The following TUBGCP3 variants were observed in gnomAD, a reference collection of about 807,000 sequenced individuals.
TUBGCP3 encodes the protein tubulin gamma complex component 3, also known as gamma-tubulin complex component 3.
In TUBGCP3, 50 loss-of-function variants were observed where a neutral mutation model predicts 123.1. The observed-to-expected ratio is 0.41, with a 90% CI of 0.32 to 0.51. TUBGCP3 has a LOEUF of 0.51. TUBGCP3 is among the 20% of genes least tolerant of loss of function. The pLI, the probability that TUBGCP3 is intolerant of heterozygous loss-of-function variation, is 0.36. For missense variants in TUBGCP3, 882 were observed against 1,127.0 expected, an observed-to-expected ratio of 0.78 and a Z score of 3.11; for synonymous variants, 405 against 413.9, an observed-to-expected ratio of 0.98 and a Z score of 0.26.
chr13:112,485,211 C>T lies in TUBGCP3; in HGVS notation c.*782G>A, dbSNP rs904488015. ...TATCCATGTCGATTTCTTTCCAATG[C>T]TTATCAGGAACTTTGAAAATAAAAT... On this transcript the variant is annotated 3_prime_UTR_variant, in exon 22 of 22. Coordinates refer to ENST00000261965, the MANE Select transcript of TUBGCP3 (RefSeq NM_006322.6). 1.3e-5 allele frequency: 2 copies of T among 152,520 alleles called. No individual in the cohort carries two copies. The highest frequency in any genetic ancestry group is 4.8e-5 in the African/African-American group (2 of 41,402). The allele number at this position is 152,520 out of a possible 1,614,324, so 9.4% of individuals were successfully genotyped here.
At chr13:112,492,007 T>C (rs1468272516) in intron 20 of TUBGCP3, among the ~76,000 whole-genome samples, 3 of 152,238 alleles carry the variant, frequency 2.0e-5, no homozygotes, top group South Asian at 2.1e-4. Flanking sequence ...TTGAGGGTGA[T>C]AATCTTCTAC....
chr13:112,549,345 G>A (rs1879354613), intron 8 of TUBGCP3, among the ~76,000 whole-genome samples: 1 of 149,528 alleles, frequency 6.7e-6, no homozygotes, highest in Non-Finnish European at 1.5e-5. Context: ...GGGGTGGGGG[G>A]AGCGGGGAGG....
upstream of TUBGCP3, among the ~76,000 whole-genome samples, chr13:112,588,475 A>G (rs1882788577): frequency 6.6e-6 from 1 of 152,214 alleles, no homozygotes; most frequent in Non-Finnish European, 1.5e-5. Context: ...TTTAAAAAAG[A>G]AAAGAAAAAA....
intron 17 of TUBGCP3, among the ~76,000 whole-genome samples, chr13:112,505,869 A>G (rs1011818612): frequency 4.6e-5 from 7 of 152,120 alleles, no homozygotes; most frequent in Non-Finnish European, 1.0e-4. Context: ...GCACTTGGGA[A>G]AGGAGGAGGA....
chr13:112,547,765 A>C lies in TUBGCP3; in HGVS notation c.1036-13T>G. 6.9e-7 allele frequency: 1 copy of C among 1,448,364 alleles called. No individual in the cohort carries two copies. The highest frequency in any genetic ancestry group is 1.6e-5 in the South Asian group (1 of 62,484). 89.7% of individuals were successfully genotyped at this position (1,448,364 alleles called of 1,614,324 possible). A position where few individuals can be genotyped will look rare whatever the true frequency, so the allele number is the denominator to read the frequency against. ...CCTCTAGTTGTAGCTAAAAAACAAT[A>C]AAGATAGAAATGTTTAAGTACAAAT... On this transcript the variant is annotated splice_polypyrimidine_tract_variant and intron_variant, in intron 9 of 21. Coordinates refer to ENST00000261965, the MANE Select transcript of TUBGCP3 (RefSeq NM_006322.6).
chr13:112,567,305 T>C (rs1168806782), intron 2 of TUBGCP3, among the ~76,000 whole-genome samples: 1 of 152,240 alleles, frequency 6.6e-6, no homozygotes, highest in Non-Finnish European at 1.5e-5. Flanking sequence ...AAAGTAGCTG[T>C]CAGTTCTTTG....
At chr13:112,566,527 T>A (rs1051114591) in intron 2 of TUBGCP3, among the ~76,000 whole-genome samples, 8 of 152,202 alleles carry the variant, frequency 5.3e-5, no homozygotes, top group Non-Finnish European at 1.2e-4. Context: ...TACATGCAAC[T>A]CTTCCTATAT....
intron 2 of TUBGCP3, 56 bp from the exon 3 acceptor site, chr13:112,565,234 TATG>T: frequency 6.8e-7 from 1 of 1,462,324 alleles, no homozygotes; most frequent in Non-Finnish European, 9.5e-7. Flanking sequence ...AATTCATTCT[TATG>T]ATACTATTTC....
intron 1 of TUBGCP3, among the ~76,000 whole-genome samples, chr13:112,572,471 A>G (rs1248849965): frequency 6.7e-6 from 1 of 149,684 alleles, no homozygotes; most frequent in Non-Finnish European, 1.5e-5. Flanking sequence ...CTCTGTGTCC[A>G]TGTGTTCTCA....
chr13:112,537,148 T>TTTTTTAA (rs1555340956), intron 11 of TUBGCP3, among the ~76,000 whole-genome samples: 2 of 109,068 alleles, frequency 1.8e-5, no homozygotes, highest in African/African-American at 4.4e-5. Flanking sequence ...TTTTTTTTTT[T>TTTTTTAA]AAAAAAAAAA....
intron 1 of TUBGCP3, among the ~76,000 whole-genome samples, chr13:112,581,120 C>A (rs1882247900): frequency 1.3e-5 from 2 of 152,132 alleles, no homozygotes; most frequent in South Asian, 2.1e-4. Context: ...TCCTGCTATT[C>A]CTGGAACACA....
intron 11 of TUBGCP3, among the ~76,000 whole-genome samples, chr13:112,531,279 T>A (rs1690697039): frequency 6.6e-6 from 1 of 152,222 alleles, no homozygotes; most frequent in African/African-American, 2.4e-5. Context: ...AAATGTCTTA[T>A]CTTTAAGTAT....
intron 8 of TUBGCP3, among the ~76,000 whole-genome samples, chr13:112,552,894 G>A (rs1879704470): frequency 8.0e-6 from 1 of 124,638 alleles, no homozygotes; most frequent in Admixed American, 8.2e-5. Flanking sequence ...CATCAGCCAT[G>A]CTCCTACTCA....
chr13:112,528,630 A>C (rs1877322050), intron 11 of TUBGCP3, among the ~76,000 whole-genome samples: 1 of 152,208 alleles, frequency 6.6e-6, no homozygotes, highest in African/African-American at 2.4e-5. Context: ...ATCATTAAAT[A>C]TTAGAGATTT....
intron 17 of TUBGCP3, among the ~76,000 whole-genome samples, chr13:112,514,893 G>A (rs575641843): frequency 6.6e-6 from 1 of 152,254 alleles, no homozygotes; most frequent in African/African-American, 2.4e-5. Flanking sequence ...AAAACTACAT[G>A]TCCAGGCAAA....
intron 8 of TUBGCP3, among the ~76,000 whole-genome samples, chr13:112,551,214 CAA>C (rs1361205309): frequency 6.6e-6 from 1 of 152,212 alleles, no homozygotes; most frequent in Non-Finnish European, 1.5e-5. Context: ...AGTCTACAAC[CAA>C]AAGAGTGGAA....
Position 112,558,260 on chromosome 13 carries a change from T to A in TUBGCP3, c.484A>T (p.Ile162Phe), listed in dbSNP as rs765280982. Residue 162 changes from isoleucine to phenylalanine, a missense_variant, in exon 5 of 22, where the codon ATC (isoleucine) becomes TTC (phenylalanine). Physicochemically the swap from Ile to Phe is conservative, Grantham distance 21 (BLOSUM62 0). This residue lies in a region of TUBGCP3 where 713 missense variants were observed against 874.0 expected (regional missense o/e 0.82). Transcript: ENST00000261965. ...QSSGSVGSSG[I>F]SSIGLCALSG... ...AGGGCACACAGGCCAATGCTGCTGA[T>A]GCCACTGCTGCCCACGCTGCCGGAG... The A allele has an allele frequency of 9.3e-6, 15 of 1,612,714 alleles. No homozygotes were observed. The highest frequency in any genetic ancestry group is 1.3e-5 in the Non-Finnish European group (15 of 1,180,052).
upstream of TUBGCP3, among the ~76,000 whole-genome samples, chr13:112,589,374 A>G (rs915827661): frequency 6.6e-6 from 1 of 152,200 alleles, no homozygotes; most frequent in African/African-American, 2.4e-5. Context: ...CGCTGATGTT[A>G]TTTGGTTTAC....
At chr13:112,526,701 AC>A (rs1193319672) in intron 13 of TUBGCP3, among the ~76,000 whole-genome samples, 2 of 142,000 alleles carry the variant, frequency 1.4e-5, no homozygotes, top group African/African-American at 2.7e-5. Flanking sequence ...CACCATCATT[AC>A]CCCCATCATC....
Sources: allele counts gnomAD v4.1 joint callset (sites outside exome capture counted in the v4.1 genomes callset), GRCh38; gene constraint gnomAD v4.1.1; regional missense constraint gnomAD v4.1.1; transcripts MANE v1.5; gene names NCBI Gene and HGNC (gene_info 2026-07-23, HGNC 2026-07-21).